GSK3B: variants seen among roughly 807,000 people sequenced by gnomAD.
GSK3B encodes the protein glycogen synthase kinase-3 beta.
In GSK3B, 15 loss-of-function variants were observed where a neutral mutation model predicts 56.4. That is an observed-to-expected ratio of 0.27 (90% CI 0.18 to 0.41). The LOEUF is 0.41. Ranked by LOEUF, GSK3B falls within the 10% of genes least tolerant of loss-of-function variation. The pLI is 1.00. For missense variants in GSK3B, 300 were observed against 513.4 expected (o/e 0.58, Z 4.02); for synonymous variants, 181 against 188.9 (o/e 0.96, Z 0.34).
chr3:120,085,133 A>C (rs1360255751), intron 1 of GSK3B, among the ~76,000 whole-genome samples: 3 of 152,194 alleles, frequency 2.0e-5, no homozygotes, highest in Admixed American at 2.0e-4. Context: ...AGTAAATTAC[A>C]TTTTTTAAAA....
intron 7 of GSK3B, among the ~76,000 whole-genome samples, chr3:119,903,042 AACAC>A (rs1167406141): frequency 6.6e-6 from 1 of 152,100 alleles, no homozygotes; most frequent in African/African-American, 2.4e-5. Context: ...GGCTACATTA[AACAC>A]ACACACACAA....
chr3:119,834,821 A>G (rs904856064), intron 10 of GSK3B, among the ~76,000 whole-genome samples: 27 of 152,234 alleles, frequency 1.8e-4, no homozygotes, highest in Admixed American at 1.6e-3. Flanking sequence ...AAAAACCGAG[A>G]TAAAATTTTT....
At chr3:119,915,351 A>G (rs1358183693) in intron 5 of GSK3B, among the ~76,000 whole-genome samples, 2 of 152,090 alleles carry the variant, frequency 1.3e-5, no homozygotes, top group Non-Finnish European at 2.9e-5. Flanking sequence ...ATATTTTGAA[A>G]AAATTTAGTT....
At position 119,824,983 on chromosome 3, in the gene GSK3B, A is replaced by C. The variant is rs1279011611; in HGVS notation, c.*1805T>G. On this transcript the variant is annotated 3_prime_UTR_variant, in exon 11 of 11. Coordinates refer to ENST00000264235, the MANE Select transcript of GSK3B (RefSeq NM_001146156.2). Reference sequence around the variant, plus strand: ...GAACCCTCTGGAGGACGAGACCCATAAAGTGACCTAAGGTGGCAATGAGGA... The same window carrying C: ...GAACCCTCTGGAGGACGAGACCCATCAAGTGACCTAAGGTGGCAATGAGGA... 1.1e-5 allele frequency: 2 copies of C among 183,838 alleles called. No homozygotes were observed. The highest frequency in any genetic ancestry group is 3.9e-4 in the South Asian group (2 of 5,104). The allele number at this position is 183,838 out of a possible 1,614,324, so 11.4% of individuals were successfully genotyped here. A position where few individuals can be genotyped will look rare whatever the true frequency, so the allele number is the denominator to read the frequency against.
chr3:119,938,154 T>A (rs1402482329), intron 3 of GSK3B, among the ~76,000 whole-genome samples: 2 of 151,976 alleles, frequency 1.3e-5, no homozygotes, highest in Non-Finnish European at 2.9e-5. Flanking sequence ...CAAAGTAAAG[T>A]CCAGGACCTG....
At chr3:119,999,665 T>C (rs570271039) in intron 2 of GSK3B, among the ~76,000 whole-genome samples, 4 of 152,312 alleles carry the variant, frequency 2.6e-5, no homozygotes, top group African/African-American at 4.8e-5. Flanking sequence ...GAATTTAGAA[T>C]AGCAAGATCT....
chr3:119,870,501 G>T (rs1173849856), intron 8 of GSK3B, among the ~76,000 whole-genome samples: 1 of 152,126 alleles, frequency 6.6e-6, no homozygotes, highest in Non-Finnish European at 1.5e-5. Context: ...TGAAAATTAT[G>T]TCTTACTTAG....
chr3:119,916,113 C>T lies in GSK3B; in HGVS notation c.539G>A (p.Arg180Gln). The change falls in exon 5 of 11, where the codon CGG becomes CAG. Residue 180 changes from arginine (R) to glutamine (Q), a missense_variant. This residue lies in a region of GSK3B where 39 missense variants were observed against 154.6 expected (regional missense o/e 0.25). Coordinates refer to ENST00000264235, the MANE Select transcript of GSK3B (RefSeq NM_001146156.2). ...CAAGAGGTTCTGCGGTTTAATATCCCGATGGCAGATTCCAAAGGAATGGAT... is the reference window on the plus strand; with the variant it reads ...CAAGAGGTTCTGCGGTTTAATATCCTGATGGCAGATTCCAAAGGAATGGAT... The part of the protein sequence containing the change: ...AYIHSFGICH[R>Q]DIKPQNLLLD... 6.2e-7 allele frequency: 1 copy of T among 1,612,832 alleles called. No homozygotes were observed. Among genetic ancestry groups the T allele is most frequent in the Non-Finnish European group, 8.5e-7 (1 of 1,179,014 alleles).
chr3:119,969,007 T>C (rs917473155), intron 2 of GSK3B, among the ~76,000 whole-genome samples: 24 of 152,124 alleles, frequency 1.6e-4, no homozygotes, highest in South Asian at 2.1e-4. Context: ...ATCTATATCA[T>C]GAGGCCGGGA....
At chr3:119,988,519 T>C (rs1257249087) in intron 2 of GSK3B, among the ~76,000 whole-genome samples, 2 of 152,346 alleles carry the variant, frequency 1.3e-5, no homozygotes, top group East Asian at 3.9e-4. Context: ...TGGAATAATA[T>C]GCTTTCCTTT....
At position 119,821,887 on chromosome 3, in the gene GSK3B, C is replaced by T; in HGVS notation, c.*4901G>A. ...GAAATGGTGATGTGACTACATATTG[C>T]AGCGGCAAAATAGTAGGGTGAAGGA... On this transcript the variant is annotated 3_prime_UTR_variant, in exon 11 of 11. Coordinates refer to ENST00000264235, the MANE Select transcript of GSK3B (RefSeq NM_001146156.2). The T allele has an allele frequency of 5.7e-6, 1 of 174,156 alleles. No homozygotes were observed. The allele number at this position is 174,156 out of a possible 1,614,324, so 10.8% of individuals were successfully genotyped here. A position where few individuals can be genotyped will look rare whatever the true frequency, so the allele number is the denominator to read the frequency against.
chr3:119,932,320 G>A (rs376310835), intron 3 of GSK3B, among the ~76,000 whole-genome samples: 2 of 152,174 alleles, frequency 1.3e-5, no homozygotes, highest in South Asian at 2.1e-4. Flanking sequence ...ACGCCAGGCT[G>A]GCTAGAGATG....
chr3:119,994,169 A>C (rs2057592744), intron 2 of GSK3B, among the ~76,000 whole-genome samples: 1 of 152,108 alleles, frequency 6.6e-6, no homozygotes, highest in African/African-American at 2.4e-5. Flanking sequence ...GCCTGAAGCA[A>C]TCTGAGTATC....
intron 8 of GSK3B, among the ~76,000 whole-genome samples, chr3:119,874,781 T>G (rs1439781470): frequency 6.6e-6 from 1 of 152,134 alleles, no homozygotes; most frequent in Non-Finnish European, 1.5e-5. Context: ...AAACTACTGT[T>G]GGCATTTTGG....
intron 3 of GSK3B, among the ~76,000 whole-genome samples, chr3:119,930,634 T>C (rs561475420): frequency 8.7e-4 from 133 of 152,304 alleles, no homozygotes; most frequent in Middle Eastern, 3.4e-3. Flanking sequence ...AAAGTGTCAA[T>C]GTATTATTGA....
chr3:119,879,432 C>T (rs889256882), intron 7 of GSK3B, among the ~76,000 whole-genome samples: 7 of 152,128 alleles, frequency 4.6e-5, no homozygotes, highest in Admixed American at 2.0e-4. Flanking sequence ...TTACCCACTT[C>T]AGCCTCCCAA....
At chr3:119,977,915 GAA>G (rs776057934) in intron 2 of GSK3B, among the ~76,000 whole-genome samples, 1 of 152,072 alleles carries the variant, frequency 6.6e-6, no homozygotes, top group Non-Finnish European at 1.5e-5. Flanking sequence ...AAACACTGAA[GAA>G]GAGAAAAAAG....
intron 3 of GSK3B, among the ~76,000 whole-genome samples, chr3:119,931,477 G>A (rs1328023777): frequency 2.6e-5 from 4 of 152,030 alleles, no homozygotes; most frequent in African/African-American, 7.2e-5. Flanking sequence ...TTAGCCAGGC[G>A]TGGTGGCATG....
intron 3 of GSK3B, among the ~76,000 whole-genome samples, chr3:119,944,929 A>G (rs2057085367): frequency 6.6e-6 from 1 of 152,236 alleles, no homozygotes; most frequent in Middle Eastern, 3.2e-3. Flanking sequence ...CTTTCTAAAC[A>G]GCAGTGGATA....
Sources: gnomAD v4.1 joint callset for allele counts (sites outside exome capture counted in the v4.1 genomes callset) on GRCh38, gnomAD v4.1.1 for gene constraint, gnomAD v4.1.1 regional missense constraint, MANE v1.5 for transcripts, NCBI Gene and HGNC (gene_info 2026-07-23, HGNC 2026-07-21) for gene names.